SPATA3: variants seen among roughly 807,000 people sequenced by gnomAD.
The protein encoded by SPATA3 is spermatogenesis associated 3, also known as spermatogenesis-associated protein 3.
Under a neutral mutation model 5.7 loss-of-function variants are expected in SPATA3, and 6 were observed. The observed-to-expected ratio is 1.06, with a 90% CI of 0.58 to 2.09. The LOEUF is 2.09. SPATA3 is among the 30% of genes most tolerant of loss of function. The pLI, the probability that SPATA3 is intolerant of heterozygous loss-of-function variation, is 0.00. For synonymous variants in SPATA3, 44 were observed against 48.4 expected, an observed-to-expected ratio of 0.91 and a Z score of 0.37; for missense variants, 155 against 130.4, an observed-to-expected ratio of 1.19 and a Z score of -0.92.
chr2:231,000,650 A>T lies in SPATA3; in HGVS notation c.962+113A>T, dbSNP rs572438510. Reference sequence around the variant, plus strand: ...CTTCCTCTTGGGAATCCCAGGCCGAAGGAAAGCCTTTCTTTCCCTCTTTGC... The same window carrying T: ...CTTCCTCTTGGGAATCCCAGGCCGATGGAAAGCCTTTCTTTCCCTCTTTGC... On this transcript the variant is annotated intron_variant, in intron 2 of 2. Transcript: ENST00000645363. The T allele has an allele frequency of 1.1e-4, 129 of 1,143,590 alleles. 1 individual carries two copies. The South Asian group carries it at 2.8e-3, about 25-fold the overall frequency. The allele number at this position is 1,143,590 out of a possible 1,614,324, so 70.8% of individuals were successfully genotyped here.
At chr2:231,004,887 A>G (rs1462001261), downstream of SPATA3, among the ~76,000 whole-genome samples, 2 of 152,060 alleles carry the variant, frequency 1.3e-5, no homozygotes. Flanking sequence ...AGTTCCTGGC[A>G]CAGGATAAGC....
chr2:230,996,843 A>G (rs189197330), intron 1 of SPATA3, among the ~76,000 whole-genome samples: 1 of 152,324 alleles, frequency 6.6e-6, no homozygotes, highest in African/African-American at 2.4e-5. Flanking sequence ...AATAAAAACC[A>G]AGGATGCATT....
downstream of SPATA3, among the ~76,000 whole-genome samples, chr2:231,011,064 C>T (rs562510790): frequency 1.6e-5 from 1 of 61,454 alleles, no homozygotes; most frequent in Non-Finnish European, 3.2e-5. Context: ...CAAAAGGAGA[C>T]CCTGTCTCAA....
chr2:230,997,687 G>A (rs115566492), intron 1 of SPATA3, among the ~76,000 whole-genome samples: 2,720 of 152,302 alleles, frequency 0.018, 79 homozygotes, highest in African/African-American at 0.062. Context: ...ATGGCTGTCA[G>A]GAAAAGTGGT....
At chr2:231,011,385 G>A (rs1157417255), downstream of SPATA3, among the ~76,000 whole-genome samples, 2 of 152,140 alleles carry the variant, frequency 1.3e-5, no homozygotes, top group East Asian at 1.9e-4. Context: ...AAAGTACTGG[G>A]AGCCTCCGCA....
At chr2:231,005,421 T>C (rs1369263500), downstream of SPATA3, among the ~76,000 whole-genome samples, 17 of 28,106 alleles carry the variant, frequency 6.0e-4, no homozygotes, top group South Asian at 1.3e-3. Context: ...ATCAGCATCA[T>C]CACCACCACC....
chr2:231,017,684 T>C (rs1692967624), intron 6 of SPATA3, among the ~76,000 whole-genome samples: 2 of 152,176 alleles, frequency 1.3e-5, no homozygotes, highest in Admixed American at 6.5e-5. Flanking sequence ...AACCAAAATA[T>C]GCCACCCAAA....
At chr2:231,014,081 C>A (rs1209550354) in exon 6 of SPATA3, 2 of 152,034 alleles carry the variant, frequency 1.3e-5, no homozygotes, top group Admixed American at 6.6e-5. Flanking sequence ...GGGTTAGACA[C>A]CCTTCATCAC....
downstream of SPATA3, among the ~76,000 whole-genome samples, chr2:231,010,284 G>A (rs1340926861): frequency 1.3e-5 from 2 of 152,220 alleles, no homozygotes; most frequent in Non-Finnish European, 2.9e-5. Context: ...CAACAAAGAT[G>A]GACAGCCTTG....
downstream of SPATA3, among the ~76,000 whole-genome samples, chr2:231,011,372 C>A (rs1692783473): frequency 6.6e-6 from 1 of 152,122 alleles, no homozygotes; most frequent in Admixed American, 6.5e-5. Context: ...ACCTCAGCCT[C>A]CCAAAGTACT....
downstream of SPATA3, among the ~76,000 whole-genome samples, chr2:231,003,486 T>C (rs533096462): frequency 1.2e-4 from 18 of 152,274 alleles, no homozygotes; most frequent in South Asian, 3.3e-3. Context: ...GGGAAGGAGC[T>C]GAGAGGCAGG....
At chr2:231,000,272 T>C (rs1472814294) in intron 1 of SPATA3, 94 bp from the exon 2 acceptor site, 19 of 1,180,190 alleles carry the variant, frequency 1.6e-5, no homozygotes, top group Non-Finnish European at 2.2e-5. Context: ...GCTGCTGCCG[T>C]TGTGGGGGGC....
At chr2:230,999,551 G>C (rs1692266381) in intron 1 of SPATA3, 1 of 153,140 alleles carries the variant, frequency 6.5e-6, no homozygotes, top group Admixed American at 6.5e-5. Flanking sequence ...AGGGTCAGAA[G>C]AATCTGTAGC....
chr2:231,002,037 G>A (rs1365098726), intron 2 of SPATA3, among the ~76,000 whole-genome samples: 1 of 152,230 alleles, frequency 6.6e-6, no homozygotes, highest in East Asian at 1.9e-4. Flanking sequence ...TCAGGAAAGT[G>A]AGCAGGGAGA....
At chr2:231,002,982 A>G (rs751372257), downstream of SPATA3, among the ~76,000 whole-genome samples, 20 of 152,028 alleles carry the variant, frequency 1.3e-4, no homozygotes, top group Admixed American at 2.6e-4. Flanking sequence ...CTCTCAGATG[A>G]CGCTAGACTC....
At chr2:231,004,346 C>A (rs901837759), downstream of SPATA3, among the ~76,000 whole-genome samples, 29 of 152,154 alleles carry the variant, frequency 1.9e-4, no homozygotes, top group Non-Finnish European at 4.0e-4. Flanking sequence ...GAGCTCACTG[C>A]TGGGGGGTCC....
downstream of SPATA3, chr2:231,006,651 A>T (rs1240451272): frequency 6.6e-6 from 1 of 152,316 alleles, no homozygotes; most frequent in Non-Finnish European, 1.5e-5. Context: ...GTGGGGGTAC[A>T]TTAAGTCGTG....
chr2:230,999,308 G>A (rs897097585), intron 1 of SPATA3, among the ~76,000 whole-genome samples: 5 of 152,146 alleles, frequency 3.3e-5, no homozygotes, highest in Non-Finnish European at 7.3e-5. Flanking sequence ...GAAATTAGTG[G>A]TGATGGCCAC....
At position 231,015,335 on chromosome 2, in the gene SPATA3, G is replaced by A. The variant is rs1249279728; in HGVS notation, c.*565+1123G>A. 1.6e-4 allele frequency among the ~76,000 whole-genome samples: 23 copies of A among 140,966 alleles called. No individual in the cohort carries two copies. In the Admixed American group the frequency reaches 1.8e-3, roughly 11 times the overall value. The allele number at this position is 140,966 out of a possible 152,430, so 92.5% of individuals were successfully genotyped here. ...GGCTGATCTCGAGCCACCTGCCTTG[G>A]CCTCCCAAAGTGCTGGGATTTCAGG... On this transcript the variant is annotated intron_variant, in intron 6 of 8. Transcript: ENST00000452881.
Sources: gnomAD v4.1 joint callset for allele counts (sites outside exome capture counted in the v4.1 genomes callset) on GRCh38, gnomAD v4.1.1 for gene constraint, MANE v1.5 for transcripts, NCBI Gene and HGNC (gene_info 2026-07-23, HGNC 2026-07-21) for gene names.